NBAS: variants seen among roughly 807,000 people sequenced by gnomAD.
NBAS encodes the protein NAG/BC035112 fusion.
In NBAS, 219 loss-of-function variants were observed where a neutral mutation model predicts 302.5. The ratio of observed to expected loss-of-function variants is 0.72; its 90% CI spans 0.65 to 0.81. NBAS has a LOEUF of 0.81. NBAS is among the 30% of genes least tolerant of loss of function. The pLI, the probability that NBAS is intolerant of heterozygous loss-of-function variation, is 0.00. For missense variants in NBAS, 2,932 were observed against 2,841.6 expected, an observed-to-expected ratio of 1.03 and a Z score of -0.72; for synonymous variants, 1,118 against 1,021.6, an observed-to-expected ratio of 1.09 and a Z score of -1.80.
the NBAS span, among the ~76,000 whole-genome samples, chr2:15,099,197 G>A: frequency 6.6e-6 from 1 of 152,014 alleles, no homozygotes; most frequent in Non-Finnish European, 1.5e-5. Context: ...CAGCTACTCA[G>A]AAGGCTGAGG....
In NBAS at chr2:15,287,081, C is replaced by A. The variant is rs142832718; in HGVS notation, c.5130G>T (p.Thr1710=). Residue 1710 remains threonine (T), a synonymous_variant, in exon 42 of 52, where the codon ACG becomes ACT. Coordinates refer to ENST00000281513, the MANE Select transcript of NBAS (RefSeq NM_015909.4). ...ATGAACTGTGTGCTTACCCACTGTC[C>A]GTGAAGAGGAACTCCAAATGGGTCA... ...VFMTHLEFLF[T]DSGLSTLEIE... is the part of the protein sequence containing the mutation. 4 of 1,608,252 alleles carry A rather than the reference C, an allele frequency of 2.5e-6. No individual in the cohort carries two copies. In the South Asian group the frequency reaches 4.4e-5, roughly 18 times the overall value.
At chr2:14,891,546 T>C in the NBAS span, among the ~76,000 whole-genome samples, 29 of 152,164 alleles carry the variant, frequency 1.9e-4, 1 homozygote, top group Admixed American at 1.9e-3. Context: ...CCAGACACCT[T>C]ACCTACATAA....
At chr2:15,386,630 T>A (rs879643833) in intron 28 of NBAS, among the ~76,000 whole-genome samples, 1 of 152,194 alleles carries the variant, frequency 6.6e-6, no homozygotes, top group Admixed American at 6.5e-5. Context: ...CTGATCTTCA[T>A]GTCCACCTTC....
At chr2:15,048,358 G>A in the NBAS span, among the ~76,000 whole-genome samples, 15 of 152,350 alleles carry the variant, frequency 9.8e-5, no homozygotes, top group East Asian at 3.9e-4. Flanking sequence ...GGAAACAGCC[G>A]CATCTTTTCT....
chr2:14,870,078 A>G, the NBAS span, among the ~76,000 whole-genome samples: 3 of 152,210 alleles, frequency 2.0e-5, no homozygotes, highest in African/African-American at 7.2e-5. Context: ...CAACAGGTAG[A>G]GCTTAAGAGT....
the NBAS span, among the ~76,000 whole-genome samples, chr2:14,835,755 G>A: frequency 1.3e-5 from 2 of 151,864 alleles, no homozygotes; most frequent in African/African-American, 4.8e-5. Flanking sequence ...CTTCAAGTTT[G>A]GGGCCATTAT....
chr2:14,960,450 A>G, the NBAS span, among the ~76,000 whole-genome samples: 82,018 of 152,058 alleles, frequency 0.54, 22,461 homozygotes, highest in East Asian at 0.62. Context: ...GCCAGGCATT[A>G]TCCTAAACAC....
At chr2:14,904,322 G>A in the NBAS span, among the ~76,000 whole-genome samples, 1 of 152,112 alleles carries the variant, frequency 6.6e-6, no homozygotes, top group African/African-American at 2.4e-5. Context: ...CAGGAAAGTC[G>A]ACAGTGCAGC....
the NBAS span, among the ~76,000 whole-genome samples, chr2:14,894,214 G>A: frequency 1.3e-5 from 2 of 152,140 alleles, no homozygotes; most frequent in Non-Finnish European, 2.9e-5. Context: ...ATCAAGATGA[G>A]AGAGTAAACC....
chr2:15,515,364 G>C (rs1273274255), intron 9 of NBAS, among the ~76,000 whole-genome samples: 1 of 152,166 alleles, frequency 6.6e-6, no homozygotes, highest in Non-Finnish European at 1.5e-5. Flanking sequence ...ACATGCCAAG[G>C]GGCCAGCCTG....
chr2:15,461,104 C>T (rs963502546), intron 21 of NBAS, 97 bp downstream of exon 21: 32 of 1,136,098 alleles, frequency 2.8e-5, no homozygotes, highest in South Asian at 6.1e-5. Flanking sequence ...AAATATATTA[C>T]ATTAAAATTA....
the NBAS span, among the ~76,000 whole-genome samples, chr2:15,105,579 T>C: frequency 6.6e-6 from 1 of 152,118 alleles, no homozygotes; most frequent in African/African-American, 2.4e-5. Context: ...TCAAAGTCAT[T>C]GTTTGACATT....
intron 35 of NBAS, among the ~76,000 whole-genome samples, chr2:15,339,694 T>C (rs190867926): frequency 1.2e-4 from 19 of 152,232 alleles, no homozygotes; most frequent in African/African-American, 4.6e-4. Context: ...CATATTGATA[T>C]GGGCTAGAAA....
chr2:15,478,135 T>C, intron 13 of NBAS, 91 bp downstream of exon 13: 1 of 919,314 alleles, frequency 1.1e-6, no homozygotes, highest in Non-Finnish European at 1.7e-6. Flanking sequence ...GCAGCAAAAG[T>C]ATCTAGAGAC....
At chr2:15,545,940 G>A (rs563430175) in intron 6 of NBAS, among the ~76,000 whole-genome samples, 6 of 152,180 alleles carry the variant, frequency 3.9e-5, no homozygotes, top group African/African-American at 1.4e-4. Flanking sequence ...CCTTGCTGGT[G>A]GAATCAAATA....
chr2:15,451,973 TATC>T (rs1003918744), intron 21 of NBAS, among the ~76,000 whole-genome samples: 20 of 151,506 alleles, frequency 1.3e-4, no homozygotes, highest in African/African-American at 4.4e-4. Flanking sequence ...ACCAGAAGTA[TATC>T]ATACCTTGAG....
At chr2:15,466,269 C>T (rs916303320) in intron 19 of NBAS, among the ~76,000 whole-genome samples, 2 of 152,052 alleles carry the variant, frequency 1.3e-5, no homozygotes, top group African/African-American at 4.8e-5. Context: ...CTACTGTGTG[C>T]CAGTGCCAAG....
At position 15,330,646 on chromosome 2, in the gene NBAS, ACTGACGGC is replaced by A; in HGVS notation, c.4291_4298del (p.Ala1431Ter). On this transcript the variant is annotated frameshift_variant, in exon 36 of 52. Coordinates refer to ENST00000281513, the MANE Select transcript of NBAS (RefSeq NM_015909.4). LOFTEE classifies it high-confidence loss of function. The stretch of plus-strand genomic sequence containing the variant: ...AAGACTTCTTCCACCACTGCCCATC[ACTGACGGC>A]CTGCAGCACCGCTTTGGTGGTGGTT... The A allele has an allele frequency of 6.2e-7, 1 of 1,614,022 alleles. No homozygotes were observed. The highest frequency in any genetic ancestry group is 8.5e-7 in the Non-Finnish European group (1 of 1,179,942).
At chr2:14,950,374 A>T in the NBAS span, among the ~76,000 whole-genome samples, 1 of 152,206 alleles carries the variant, frequency 6.6e-6, no homozygotes, top group East Asian at 1.9e-4. Context: ...GTAGTATTCC[A>T]TCATATTGTA....
Sources: gnomAD v4.1 joint callset for allele counts (sites outside exome capture counted in the v4.1 genomes callset) on GRCh38, gnomAD v4.1.1 for gene constraint, MANE v1.5 for transcripts, NCBI Gene and HGNC (gene_info 2026-07-23, HGNC 2026-07-21) for gene names.